Variants in CALN1 observed in about 807,000 individuals in gnomAD.
The protein encoded by CALN1 is calneuron 1.
A neutral mutation model predicts 30.6 loss-of-function variants in CALN1; 17 were observed. The ratio of observed to expected loss-of-function variants is 0.56; its 90% confidence interval spans 0.38 to 0.83. CALN1 has a LOEUF of 0.83. CALN1 is among the 40% of genes least tolerant of loss of function. The probability of loss-of-function intolerance (pLI) is 0.00; values close to 1 mark genes in which losing one functional copy is unlikely to be tolerated. For missense variants in CALN1, 291 were observed against 354.9 expected (o/e 0.82, Z 1.45); for synonymous variants, 156 against 131.4 (o/e 1.19, Z -1.28).
chr7:71,923,681 A>C (rs1326851639), intron 5 of CALN1, among the ~76,000 whole-genome samples: 1 of 152,160 alleles, frequency 6.6e-6, no homozygotes, highest in Non-Finnish European at 1.5e-5. Context: ...TAACATTCTC[A>C]TGTAATTTTC....
chr7:72,338,469 C>G (rs1375675056), intron 2 of CALN1, among the ~76,000 whole-genome samples: 3 of 41,946 alleles, frequency 7.2e-5, no homozygotes, highest in Non-Finnish European at 1.7e-4. Flanking sequence ...GCCAGCAGCA[C>G]AGTGTGTGTG....
At chr7:72,246,739 T>C (rs1056458295) in intron 3 of CALN1, among the ~76,000 whole-genome samples, 4 of 147,528 alleles carry the variant, frequency 2.7e-5, no homozygotes, top group Non-Finnish European at 5.9e-5. Flanking sequence ...ATGATCCTCA[T>C]TCCTACCAGA....
intron 3 of CALN1, among the ~76,000 whole-genome samples, chr7:72,174,003 A>C (rs187949708): frequency 6.6e-6 from 1 of 152,250 alleles, no homozygotes; most frequent in Non-Finnish European, 1.5e-5. Context: ...AAGGCAAACC[A>C]CAGACTGGGA....
intron 4 of CALN1, among the ~76,000 whole-genome samples, chr7:72,057,440 G>C (rs573015990): frequency 5.9e-5 from 7 of 118,494 alleles, no homozygotes; most frequent in African/African-American, 2.0e-4. Context: ...CTGTCCCAAT[G>C]AAGTGTTCAG....
intron 5 of CALN1, among the ~76,000 whole-genome samples, chr7:71,872,763 G>A (rs1466227477): frequency 1.3e-5 from 2 of 151,050 alleles, no homozygotes; most frequent in African/African-American, 4.9e-5. Flanking sequence ...ACGGGCATGT[G>A]CCACCATGCC....
At chr7:72,347,278 CCT>C (rs1802699460) in intron 2 of CALN1, among the ~76,000 whole-genome samples, 2 of 151,184 alleles carry the variant, frequency 1.3e-5, no homozygotes, top group Non-Finnish European at 2.9e-5. Context: ...ACGGAGTTCC[CCT>C]CTTTTTGCCC....
chr7:72,202,306 C>T (rs2677282), intron 3 of CALN1, among the ~76,000 whole-genome samples: 76,891 of 151,944 alleles, frequency 0.51, 21,798 homozygotes, highest in East Asian at 0.96. Flanking sequence ...ATGAGAATGA[C>T]AGCTCTGTGA....
At chr7:72,287,878 T>C (rs546325981) in intron 2 of CALN1, among the ~76,000 whole-genome samples, 2 of 152,310 alleles carry the variant, frequency 1.3e-5, no homozygotes, top group East Asian at 3.9e-4. Context: ...GAACTGCATA[T>C]CTAGATAAAA....
intron 5 of CALN1, among the ~76,000 whole-genome samples, chr7:71,848,239 G>C (rs1306005300): frequency 1.3e-5 from 2 of 152,196 alleles, no homozygotes; most frequent in African/African-American, 4.8e-5. Flanking sequence ...CAATCCCACA[G>C]TCAGAAGATG....
At chr7:72,048,398 C>A (rs903984361) in intron 4 of CALN1, among the ~76,000 whole-genome samples, 11 of 151,946 alleles carry the variant, frequency 7.2e-5, no homozygotes, top group Non-Finnish European at 1.5e-4. Flanking sequence ...ATAAGGGCCG[C>A]CATGTGTGAG....
chr7:72,343,125 A>G (rs1802460091), intron 2 of CALN1, among the ~76,000 whole-genome samples: 1 of 152,172 alleles, frequency 6.6e-6, no homozygotes, highest in Non-Finnish European at 1.5e-5. Context: ...AACTGCCTCG[A>G]AAGACTATTA....
rs150095021 is a variant in CALN1, at chr7:71,846,092, T to C, written c.502-35600A>G. Among the ~76,000 whole-genome samples the C allele has an allele frequency of 3.8e-3, 573 of 152,182 alleles. 1 individual carries two copies. The highest frequency in any genetic ancestry group is 0.012 in the African/African-American group (515 of 41,516). On this transcript the variant is annotated intron_variant, in intron 5 of 6. Transcript: ENST00000395275. ...ATTAACACTCTCCTCCTGGATGTCA[T>C]CGTCTTCTGCCCACTTTGCATAACA...
At chr7:71,823,595 G>A (rs1377272729) in intron 5 of CALN1, among the ~76,000 whole-genome samples, 1 of 152,132 alleles carries the variant, frequency 6.6e-6, no homozygotes, top group Non-Finnish European at 1.5e-5. Flanking sequence ...GCAGGCGCCT[G>A]TAGTCCCACC....
chr7:72,457,791 T>TGTC, the CALN1 span, among the ~76,000 whole-genome samples: 3 of 150,198 alleles, frequency 2.0e-5, no homozygotes, highest in Non-Finnish European at 4.4e-5. Flanking sequence ...GGTCTCACTC[T>TGTC]GTCACCCAGG....
chr7:71,961,685 C>T (rs1797255252), intron 5 of CALN1, among the ~76,000 whole-genome samples: 1 of 152,204 alleles, frequency 6.6e-6, no homozygotes, highest in African/African-American at 2.4e-5. Context: ...CCCTTGGAAA[C>T]TGATCTCTGT....
chr7:72,458,333 T>A, the CALN1 span, among the ~76,000 whole-genome samples: 4 of 746 alleles, frequency 5.4e-3, no homozygotes, highest in African/African-American at 0.013. Context: ...ATATTCTATA[T>A]TATATAATAT....
At chr7:72,314,517 G>T (rs1047672597) in intron 2 of CALN1, among the ~76,000 whole-genome samples, 3 of 150,714 alleles carry the variant, frequency 2.0e-5, no homozygotes, top group Non-Finnish European at 4.4e-5. Context: ...TCTGCCTCCC[G>T]AGTTCAAGTG....
chr7:72,376,571 G>A (rs1196539090), intron 2 of CALN1, among the ~76,000 whole-genome samples: 3 of 152,060 alleles, frequency 2.0e-5, no homozygotes, highest in Admixed American at 6.6e-5. Context: ...TTGTCTTTTT[G>A]TTGAATTGTG....
intron 5 of CALN1, among the ~76,000 whole-genome samples, chr7:71,856,910 G>A (rs1422157649): frequency 2.6e-5 from 4 of 152,066 alleles, no homozygotes; most frequent in Admixed American, 6.6e-5. Context: ...AGCTGAGATC[G>A]TGCCATTGCA....
Sources: allele counts gnomAD v4.1 joint callset (sites outside exome capture counted in the v4.1 genomes callset), GRCh38; gene constraint gnomAD v4.1.1; transcripts MANE v1.5; gene names NCBI Gene and HGNC (gene_info 2026-07-23, HGNC 2026-07-21).